Variants in RBM20 observed in about 807,000 individuals in gnomAD.
RBM20 encodes the protein RNA-binding protein 20.
RBM20 carries 51 observed loss-of-function variants against 110.1 expected under a neutral mutation model. That is an observed-to-expected ratio of 0.46 (90% confidence interval 0.37 to 0.59). The LOEUF (loss-of-function observed/expected upper bound fraction) is 0.59, where lower values mean the gene tolerates loss of function less well. RBM20 is among the 20% of genes least tolerant of loss of function. The probability of loss-of-function intolerance (pLI) is 0.00; values close to 1 mark genes in which losing one functional copy is unlikely to be tolerated. For synonymous variants in RBM20, 589 were observed against 618.2 expected, an observed-to-expected ratio of 0.95 and a Z score of 0.70; for missense variants, 1,512 against 1,574.9, an observed-to-expected ratio of 0.96 and a Z score of 0.68.
intron 1 of RBM20, among the ~76,000 whole-genome samples, chr10:110,679,216 CT>C (rs1034637923): frequency 1.3e-5 from 2 of 151,930 alleles, no homozygotes; most frequent in Non-Finnish European, 2.9e-5. Context: ...CCTTTTTCTT[CT>C]TTTTTTTATT....
chr10:110,729,181 G>A (rs1299597627), intron 1 of RBM20, among the ~76,000 whole-genome samples: 5 of 152,198 alleles, frequency 3.3e-5, no homozygotes, highest in Non-Finnish European at 7.3e-5. Context: ...TATGGCACAA[G>A]ATTTAAGAAC....
At chr10:110,686,358 A>C (rs532376984) in intron 1 of RBM20, among the ~76,000 whole-genome samples, 1 of 152,072 alleles carries the variant, frequency 6.6e-6, no homozygotes, top group Non-Finnish European at 1.5e-5. Context: ...CAAGAATCTG[A>C]TGGAAGTATG....
Position 110,822,594 on chromosome 10 carries a change from G to C in RBM20, c.3316+659G>C, listed in dbSNP as rs1056439496. The C allele has an allele frequency of 4.1e-5, 17 of 411,684 alleles. No individual in the cohort carries two copies. In the Admixed American group the frequency reaches 4.6e-4, roughly 11 times the overall value. The allele number at this position is 411,684 out of a possible 1,614,324, so 25.5% of individuals were successfully genotyped here. ...ACTTAAGATCCATCAGGGGGTTTGGGGGGAGGGAGAGAGAGTAGCCTTTAA... is the reference window on the plus strand; with the variant it reads ...ACTTAAGATCCATCAGGGGGTTTGGCGGGAGGGAGAGAGAGTAGCCTTTAA... On this transcript the variant is annotated intron_variant, in intron 11 of 13. Transcript: ENST00000369519.
At chr10:110,746,070 C>T (rs930598637) in intron 1 of RBM20, among the ~76,000 whole-genome samples, 2 of 152,166 alleles carry the variant, frequency 1.3e-5, no homozygotes, top group African/African-American at 4.8e-5. Flanking sequence ...TCGCTCATCA[C>T]CACGTTTGGT....
chr10:110,683,645 A>C (rs1016202300), intron 1 of RBM20, among the ~76,000 whole-genome samples: 1 of 152,258 alleles, frequency 6.6e-6, no homozygotes, highest in African/African-American at 2.4e-5. Context: ...AGATTAAATT[A>C]AAATGTCAGT....
At chr10:110,737,363 A>ATTTCT (rs1843683508) in intron 1 of RBM20, among the ~76,000 whole-genome samples, 1 of 151,852 alleles carries the variant, frequency 6.6e-6, no homozygotes, top group Non-Finnish European at 1.5e-5. Context: ...TGAGCAATAA[A>ATTTCT]TTTCTATTGT....
At chr10:110,657,746 C>A (rs1290160004) in intron 1 of RBM20, among the ~76,000 whole-genome samples, 1 of 152,116 alleles carries the variant, frequency 6.6e-6, no homozygotes, top group African/African-American at 2.4e-5. Context: ...TAGGTTGTTT[C>A]CAGGTTTTGG....
chr10:110,740,420 G>A (rs1235401497), intron 1 of RBM20, among the ~76,000 whole-genome samples: 3 of 152,162 alleles, frequency 2.0e-5, no homozygotes, highest in Admixed American at 2.0e-4. Flanking sequence ...CTTGGTCTGA[G>A]TGTTTCATGG....
intron 1 of RBM20, among the ~76,000 whole-genome samples, chr10:110,765,321 C>A (rs527682691): frequency 6.6e-6 from 1 of 151,670 alleles, no homozygotes; most frequent in Non-Finnish European, 1.5e-5. Context: ...TGAAACATCT[C>A]GTATGTGTTG....
At chr10:110,820,283 C>G (rs1844891542) in intron 10 of RBM20, 107 bp downstream of exon 10, 4 of 684,076 alleles carry the variant, frequency 5.8e-6, no homozygotes, top group Admixed American at 4.9e-5. Context: ...TGAGACCCCA[C>G]CATTAGTTCC....
At chr10:110,727,334 G>A (rs868153260) in intron 1 of RBM20, among the ~76,000 whole-genome samples, 1 of 146,574 alleles carries the variant, frequency 6.8e-6, no homozygotes, top group Non-Finnish European at 1.5e-5. Context: ...GGTGTGGGCT[G>A]CAATTGTATC....
intron 12 of RBM20, among the ~76,000 whole-genome samples, chr10:110,824,330 C>T (rs12354578): frequency 0.16 from 24,842 of 152,112 alleles, 2,595 homozygotes; most frequent in Admixed American, 0.24. Context: ...CCAGTCCTTC[C>T]CAGAACAATG....
intron 1 of RBM20, among the ~76,000 whole-genome samples, chr10:110,774,667 GT>G (rs1389696274): frequency 2.0e-5 from 3 of 151,970 alleles, no homozygotes; most frequent in African/African-American, 7.3e-5. Context: ...TTGTTTGTTT[GT>G]TTTTTGTTGT....
intron 1 of RBM20, among the ~76,000 whole-genome samples, chr10:110,681,084 C>T (rs758270468): frequency 1.3e-5 from 2 of 152,220 alleles, no homozygotes; most frequent in African/African-American, 2.4e-5. Flanking sequence ...TCTTCTCGCA[C>T]ATTCCTCACT....
Position 110,812,573 on chromosome 10 carries a change from C to T in RBM20, c.2176C>T (p.Arg726Ter), listed in dbSNP as rs1393804220. ...RQLDKAELDE[R>*]PEGGRPHREK... ...ACTGGACAAGGCTGAGTTGGACGAG[C>T]GACCAGAAGGAGGGAGGCCCCACCG... is the stretch of plus-strand genomic sequence containing the variant. Residue 726 changes from arginine (R) to a stop codon, truncating the protein, a stop_gained, in exon 9 of 14, where the codon CGA becomes TGA. Coordinates refer to ENST00000369519, the MANE Select transcript of RBM20 (RefSeq NM_001134363.3). LOFTEE classifies it high-confidence loss of function. 3.9e-6 allele frequency: 6 copies of T among 1,551,568 alleles called. No homozygotes were observed. The highest frequency in any genetic ancestry group is 5.2e-6 in the Non-Finnish European group (6 of 1,146,994).
chr10:110,722,274 A>G (rs1843516092), intron 1 of RBM20, among the ~76,000 whole-genome samples: 2 of 152,194 alleles, frequency 1.3e-5, no homozygotes, highest in Admixed American at 6.5e-5. Context: ...TTTTTAGAGA[A>G]GTTTTAAGTT....
intron 1 of RBM20, among the ~76,000 whole-genome samples, chr10:110,689,738 A>G (rs1330434579): frequency 6.6e-6 from 1 of 152,164 alleles, no homozygotes; most frequent in East Asian, 1.9e-4. Context: ...CATTTTGTAC[A>G]TTTAGTGACA....
intron 1 of RBM20, among the ~76,000 whole-genome samples, chr10:110,777,325 C>T (rs1844278873): frequency 6.6e-6 from 1 of 152,184 alleles, no homozygotes; most frequent in Non-Finnish European, 1.5e-5. Flanking sequence ...TCAGATCATG[C>T]ACCCCAATTT....
intron 7 of RBM20, among the ~76,000 whole-genome samples, chr10:110,804,069 C>T (rs1844666056): frequency 6.6e-6 from 1 of 152,152 alleles, no homozygotes; most frequent in Admixed American, 6.5e-5. Flanking sequence ...CTCCCCCTTC[C>T]CTTTCCTTCA....
Sources: allele counts gnomAD v4.1 joint callset (sites outside exome capture counted in the v4.1 genomes callset), GRCh38; gene constraint gnomAD v4.1.1; transcripts MANE v1.5; gene names NCBI Gene and HGNC (gene_info 2026-07-23, HGNC 2026-07-21).